The following NRXN1 variants were observed in gnomAD, a reference collection of about 807,000 sequenced individuals.
NRXN1 encodes the protein neurexin-1.
NRXN1 carries 39 observed loss-of-function variants against 150.9 expected under a neutral mutation model. That is an observed-to-expected ratio of 0.26 (90% confidence interval 0.20 to 0.34). NRXN1 has a LOEUF of 0.34. Among genes scored for constraint, NRXN1 ranks in the 10% least tolerant of loss-of-function variants. NRXN1 has a pLI of 1.00. For missense variants in NRXN1, 1,815 were observed against 1,949.9 expected, an observed-to-expected ratio of 0.93 and a Z score of 1.30; for synonymous variants, 924 against 757.0, an observed-to-expected ratio of 1.22 and a Z score of -3.62.
At chr2:50,559,782 A>G (rs1401081769) in intron 8 of NRXN1, among the ~76,000 whole-genome samples, 4 of 152,230 alleles carry the variant, frequency 2.6e-5, no homozygotes, top group Non-Finnish European at 5.9e-5. Flanking sequence ...TGTCAGAGAC[A>G]TAACAAAATA....
intron 17 of NRXN1, among the ~76,000 whole-genome samples, chr2:50,345,618 T>C (rs866050724): frequency 6.6e-6 from 1 of 152,208 alleles, no homozygotes; most frequent in African/African-American, 2.4e-5. Context: ...GTTTTAATTT[T>C]TGGCAATTCG....
intron 18 of NRXN1, among the ~76,000 whole-genome samples, chr2:50,155,429 GA>G (rs58114667): frequency 0.18 from 24,878 of 138,412 alleles, 2,513 homozygotes; most frequent in East Asian, 0.37. Context: ...GAACAATTAA[GA>G]AAAAAAAAAA....
chr2:51,014,667 T>G (rs4971721), intron 2 of NRXN1, among the ~76,000 whole-genome samples: 105,543 of 151,880 alleles, frequency 0.69, 38,420 homozygotes, highest in African/African-American at 0.92. Flanking sequence ...GGCCTCAGGA[T>G]TTACGCAGCT....
chr2:50,889,131 T>C (rs549235687), intron 5 of NRXN1, among the ~76,000 whole-genome samples: 18 of 151,760 alleles, frequency 1.2e-4, no homozygotes, highest in African/African-American at 3.6e-4. Flanking sequence ...TTTTGAAACA[T>C]GGAGATTGGC....
chr2:50,729,694 G>C (rs550245292), intron 5 of NRXN1, among the ~76,000 whole-genome samples: 1 of 152,284 alleles, frequency 6.6e-6, no homozygotes, highest in Non-Finnish European at 1.5e-5. Context: ...TCAGCACAAA[G>C]AACAGCCTCC....
intron 17 of NRXN1, among the ~76,000 whole-genome samples, chr2:50,392,988 G>A (rs1052434462): frequency 1.3e-5 from 2 of 151,800 alleles, no homozygotes; most frequent in Non-Finnish European, 2.9e-5. Flanking sequence ...TTAAAATTTG[G>A]ATGACATGGA....
intron 5 of NRXN1, among the ~76,000 whole-genome samples, chr2:50,647,509 C>T (rs753397269): frequency 7.7e-4 from 117 of 151,968 alleles, no homozygotes; most frequent in South Asian, 8.3e-4. Context: ...TTCGACACTG[C>T]TTGTGTATAA....
In NRXN1 at chr2:50,630,929, T is replaced by C. The variant is rs185531237; in HGVS notation, c.833-7314A>G. Among the ~76,000 whole-genome samples the C allele has an allele frequency of 2.5e-3, 386 of 151,924 alleles. 1 individual carries two copies. The highest frequency in any genetic ancestry group is 0.017 in the South Asian group (84 of 4,824). ...TAAAACAAATAAGCCAGGCTGTCTC[T>C]GCTATAAGATAAAACAACTTTAGAA... is the stretch of plus-strand genomic sequence containing the variant. On this transcript the variant is annotated intron_variant, in intron 5 of 22. Coordinates refer to ENST00000401669, the MANE Select transcript of NRXN1 (RefSeq NM_001330078.2).
chr2:50,561,746 CAGATATAAAAGT>C (rs1226454976), intron 8 of NRXN1, among the ~76,000 whole-genome samples: 5 of 152,130 alleles, frequency 3.3e-5, no homozygotes, highest in African/African-American at 4.8e-5. Flanking sequence ...TTTTCACAGA[CAGATATAAAAGT>C]CCTGAGGGGG....
At chr2:50,121,412 C>T (rs114009648) in intron 18 of NRXN1, among the ~76,000 whole-genome samples, 2,333 of 152,268 alleles carry the variant, frequency 0.015, 67 homozygotes, top group African/African-American at 0.053. Flanking sequence ...GAAACTAAGG[C>T]ACAAAGAACA....
rs1697409617 is a variant in NRXN1 at position 50,984,687 on chromosome 2, T to C, written c.772+42815A>G. 2.6e-5 allele frequency among the ~76,000 whole-genome samples: 4 copies of C among 152,102 alleles called. No individual in the cohort carries two copies. In the South Asian group the frequency reaches 8.3e-4, roughly 31 times the overall value. On this transcript the variant is annotated intron_variant, in intron 2 of 22. Transcript: ENST00000401669. ...CAGTCTGTATTAAAAGTGAAAAGTA[T>C]ATTGCCCTGTATCTTTAATATGGAT... is the stretch of plus-strand genomic sequence containing the variant.
intron 5 of NRXN1, among the ~76,000 whole-genome samples, chr2:50,691,320 G>A (rs1291691894): frequency 6.6e-6 from 1 of 152,150 alleles, no homozygotes; most frequent in Non-Finnish European, 1.5e-5. Flanking sequence ...AAACCGTTAA[G>A]TGGAAATGTA....
At chr2:50,647,023 AT>A (rs34502206) in intron 5 of NRXN1, among the ~76,000 whole-genome samples, 9,175 of 146,522 alleles carry the variant, frequency 0.063, 502 homozygotes, top group African/African-American at 0.15. Flanking sequence ...TGAGAGGGCA[AT>A]TTTTTTTTTT....
intron 2 of NRXN1, among the ~76,000 whole-genome samples, chr2:50,944,283 C>T (rs1007635922): frequency 6.6e-6 from 1 of 152,110 alleles, no homozygotes; most frequent in Non-Finnish European, 1.5e-5. Context: ...GGGTATAACT[C>T]TCCTGGTGAA....
intron 2 of NRXN1, among the ~76,000 whole-genome samples, chr2:51,013,061 A>C (rs1668128626): frequency 1.3e-5 from 2 of 152,042 alleles, no homozygotes; most frequent in Non-Finnish European, 1.5e-5. Context: ...GTGGTTATGC[A>C]GCAGGGCAAG....
intron 21 of NRXN1, among the ~76,000 whole-genome samples, chr2:49,965,416 AC>A (rs1676789362): frequency 6.6e-6 from 1 of 151,642 alleles, no homozygotes; most frequent in African/African-American, 2.4e-5. Context: ...ACAGGTGCCC[AC>A]CACCACGCCC....
At chr2:50,004,584 G>T (rs1684464234) in intron 21 of NRXN1, among the ~76,000 whole-genome samples, 1 of 152,084 alleles carries the variant, frequency 6.6e-6, no homozygotes, top group Non-Finnish European at 1.5e-5. Flanking sequence ...TGTTCATTTA[G>T]ATTTTTCCTT....
rs148963057 is a variant in NRXN1, at chr2:50,470,869, G to A, written c.3244+1429C>T. Among the ~76,000 whole-genome samples the A allele has an allele frequency of 1.1e-4, 17 of 151,788 alleles. No homozygotes were observed. In the East Asian group the frequency reaches 3.3e-3, roughly 29 times the overall value. ...ATCAAAAAGTACTCCTACAGATCTT[G>A]GTCTGATAGAGAGCACAAAAGAAAA... On this transcript the variant is annotated intron_variant, in intron 16 of 22. Coordinates refer to ENST00000401669, the MANE Select transcript of NRXN1 (RefSeq NM_001330078.2).
chr2:50,921,925 C>A, intron 4 of NRXN1, 45 bp from the exon 5 acceptor site: 3 of 1,254,866 alleles, frequency 2.4e-6, no homozygotes, highest in Non-Finnish European at 3.2e-6. Flanking sequence ...GGTTTCCAGA[C>A]AAAGAGGATA....
Sources: allele counts gnomAD v4.1 joint callset (sites outside exome capture counted in the v4.1 genomes callset), GRCh38; gene constraint gnomAD v4.1.1; transcripts MANE v1.5; gene names NCBI Gene and HGNC (gene_info 2026-07-23, HGNC 2026-07-21).